Variants in HMCN1 observed in about 807,000 individuals in gnomAD.
The protein encoded by HMCN1 is hemicentin 1.
A neutral mutation model predicts 625.9 loss-of-function variants in HMCN1; 321 were observed. The ratio of observed to expected loss-of-function variants is 0.51; its 90% CI spans 0.47 to 0.56. The LOEUF is 0.56. Among genes scored for constraint, HMCN1 ranks in the 20% least tolerant of loss-of-function variants. The probability of loss-of-function intolerance (pLI) is 0.00; values close to 1 mark genes in which losing one functional copy is unlikely to be tolerated. For synonymous variants in HMCN1, 2,425 were observed against 2,417.6 expected (o/e 1.00, Z -0.09); for missense variants, 6,588 against 6,887.3 (o/e 0.96, Z 1.54).
chr1:185,832,880 T>C (rs1222537729), intron 1 of HMCN1, among the ~76,000 whole-genome samples: 1 of 152,204 alleles, frequency 6.6e-6, no homozygotes, highest in African/African-American at 2.4e-5. Flanking sequence ...TTACTTAATT[T>C]ATAAAGAGCT....
Position 186,130,571 on chromosome 1 carries a change from C to A in HMCN1, c.13104C>A (p.Ile4368=). The change falls in exon 85 of 107, where the codon ATC becomes ATA. Residue 4368 remains isoleucine (I), a synonymous_variant. Transcript: ENST00000271588. ...NWIEPLGGNA[I]LNCEVKGDPT... is the part of the protein sequence containing the mutation. Reference sequence around the variant, plus strand: ...TTGAACCACTTGGTGGGAATGCAATCCTGAATTGTGAGGTGAAAGGAGACC... The same window carrying A: ...TTGAACCACTTGGTGGGAATGCAATACTGAATTGTGAGGTGAAAGGAGACC... 2.5e-6 allele frequency: 4 copies of A among 1,613,520 alleles called. No homozygotes were observed. Among genetic ancestry groups the A allele is most frequent in the Non-Finnish European group, 3.4e-6 (4 of 1,179,630 alleles).
chr1:186,165,815 C>A (rs1651840859), intron 98 of HMCN1, among the ~76,000 whole-genome samples: 1 of 152,106 alleles, frequency 6.6e-6, no homozygotes, highest in African/African-American at 2.4e-5. Context: ...ATTTATGTAA[C>A]TTCTTTTTTC....
chr1:186,168,458 A>G (rs979390111), intron 100 of HMCN1, among the ~76,000 whole-genome samples: 4 of 142,824 alleles, frequency 2.8e-5, no homozygotes, highest in African/African-American at 8.4e-5. Context: ...AAAAAAAAAA[A>G]AAAAGTATAT....
chr1:185,947,245 A>G (rs1364647404), intron 11 of HMCN1, among the ~76,000 whole-genome samples: 2 of 152,170 alleles, frequency 1.3e-5, no homozygotes, highest in African/African-American at 4.8e-5. Flanking sequence ...CAATGATGGA[A>G]TTATTTTCCA....
chr1:186,146,068 C>G, intron 93 of HMCN1, 145 bp downstream of exon 93: 2 of 838,996 alleles, frequency 2.4e-6, no homozygotes, highest in Non-Finnish European at 3.9e-6. Context: ...CTAATTGGTA[C>G]AGTTCTGTAT....
At chr1:185,814,984 G>A (rs1019120142) in intron 1 of HMCN1, among the ~76,000 whole-genome samples, 2 of 150,024 alleles carry the variant, frequency 1.3e-5, no homozygotes, top group South Asian at 4.1e-4. Context: ...GAGCCTGGCC[G>A]AACTTTTTGT....
At chr1:185,909,236 T>G (rs1041547524) in intron 4 of HMCN1, 101 bp from the exon 5 acceptor site, 1 of 850,338 alleles carries the variant, frequency 1.2e-6, no homozygotes, top group Non-Finnish European at 2.0e-6. Flanking sequence ...CAGTCCAGGA[T>G]GTGCCGGAGT....
intron 1 of HMCN1, among the ~76,000 whole-genome samples, chr1:185,771,255 A>G (rs1269219456): frequency 6.6e-6 from 1 of 152,198 alleles, no homozygotes; most frequent in Non-Finnish European, 1.5e-5. Flanking sequence ...GATTCTCTAC[A>G]AAGGACAGGA....
chr1:186,186,994 T>TCTCACACACACACACACACA (rs1188045464), intron 105 of HMCN1, among the ~76,000 whole-genome samples: 3 of 134,516 alleles, frequency 2.2e-5, no homozygotes, highest in African/African-American at 8.8e-5. Flanking sequence ...TGTCTCTGTC[T>TCTCACACACACACACACACA]CACACACACA....
At chr1:186,177,741 A>C (rs1344384913) in intron 103 of HMCN1, among the ~76,000 whole-genome samples, 1 of 152,140 alleles carries the variant, frequency 6.6e-6, no homozygotes, top group African/African-American at 2.4e-5. Context: ...TTCCATCTGA[A>C]ATATTTGTCA....
chr1:185,830,041 T>C (rs1366997018), intron 1 of HMCN1, among the ~76,000 whole-genome samples: 1 of 152,246 alleles, frequency 6.6e-6, no homozygotes, highest in Non-Finnish European at 1.5e-5. Context: ...TGCATAAATG[T>C]CTTCTTTGGA....
chr1:185,893,426 C>G (rs1024073631), intron 4 of HMCN1, among the ~76,000 whole-genome samples: 19 of 152,186 alleles, frequency 1.2e-4, no homozygotes, highest in Non-Finnish European at 2.4e-4. Context: ...CTGACTGGCA[C>G]AGAAAATAAT....
At chr1:185,944,235 T>A (rs894226717) in intron 11 of HMCN1, among the ~76,000 whole-genome samples, 1 of 152,080 alleles carries the variant, frequency 6.6e-6, no homozygotes. Flanking sequence ...AAAAACCCTA[T>A]GTTCTCGCTT....
chr1:186,146,617 A>G (rs543478023), intron 93 of HMCN1, among the ~76,000 whole-genome samples: 7 of 152,242 alleles, frequency 4.6e-5, no homozygotes, highest in African/African-American at 1.7e-4. Context: ...AATCAAGATC[A>G]TTTGACAGAG....
intron 90 of HMCN1, 73 bp downstream of exon 90, chr1:186,144,416 G>A: frequency 6.2e-7 from 1 of 1,601,062 alleles, no homozygotes; most frequent in South Asian, 1.1e-5. Flanking sequence ...ATGTCAACAA[G>A]AATCTATCCC....
chr1:186,108,713 C>A, intron 71 of HMCN1, 116 bp downstream of exon 71: 2 of 1,188,874 alleles, frequency 1.7e-6, no homozygotes, highest in Non-Finnish European at 2.4e-6. Flanking sequence ...ACTAATTATT[C>A]AACATTGCAG....
chr1:186,052,817 T>C (rs2102277883), intron 42 of HMCN1, 135 bp from the exon 43 acceptor site: 4 of 747,770 alleles, frequency 5.3e-6, no homozygotes, highest in Non-Finnish European at 9.3e-6. Context: ...GACTTTTAAT[T>C]TGATGTTGAT....
At chr1:185,815,011 AG>A (rs1158855681) in intron 1 of HMCN1, among the ~76,000 whole-genome samples, 7 of 150,170 alleles carry the variant, frequency 4.7e-5, no homozygotes, top group Admixed American at 1.3e-4. Flanking sequence ...AGAATAATTT[AG>A]GGGTTATAGA....
chr1:185,933,487 C>T, intron 10 of HMCN1, 62 bp from the exon 11 acceptor site: 2 of 1,554,634 alleles, frequency 1.3e-6, no homozygotes, highest in South Asian at 1.1e-5. Context: ...TTTTAAACCA[C>T]ATCTGTAAGT....
Sources: allele counts gnomAD v4.1 joint callset (sites outside exome capture counted in the v4.1 genomes callset), GRCh38; gene constraint gnomAD v4.1.1; transcripts MANE v1.5; gene names NCBI Gene and HGNC (gene_info 2026-07-23, HGNC 2026-07-21).